Variants in SAMD13 observed in about 807,000 individuals in gnomAD.
SAMD13 encodes the protein sterile alpha motif domain-containing protein 13.
A neutral mutation model predicts 12.4 loss-of-function variants in SAMD13; 9 were observed. That is an observed-to-expected ratio of 0.72 (90% CI 0.44 to 1.26). The LOEUF is 1.26. Ranked by LOEUF, SAMD13 falls within the 50% of genes most tolerant of loss-of-function variation. The pLI is 0.00. For missense variants in SAMD13, 84 were observed against 119.6 expected, an observed-to-expected ratio of 0.70 and a Z score of 1.39; for synonymous variants, 46 against 45.4, an observed-to-expected ratio of 1.01 and a Z score of -0.05.
chr1:84,344,984 C>T (rs966143630), intron 3 of SAMD13: 8 of 456,566 alleles, frequency 1.8e-5, no homozygotes, highest in Non-Finnish European at 2.6e-5. Flanking sequence ...ATGATTTTTC[C>T]CTTGGCCTTG....
At chr1:84,310,216 A>AT (rs1389905146) in intron 2 of SAMD13, among the ~76,000 whole-genome samples, 3 of 152,136 alleles carry the variant, frequency 2.0e-5, no homozygotes, top group African/African-American at 7.2e-5. Flanking sequence ...AATATTTTAC[A>AT]TTTTTGTGCT....
chr1:84,324,240 C>G (rs377335386), intron 2 of SAMD13, among the ~76,000 whole-genome samples: 43 of 152,274 alleles, frequency 2.8e-4, no homozygotes, highest in African/African-American at 1.0e-3. Context: ...AGGTCACCCC[C>G]TTTACATAGG....
intron 2 of SAMD13, among the ~76,000 whole-genome samples, chr1:84,305,632 A>T (rs1403647004): frequency 6.6e-6 from 1 of 152,088 alleles, no homozygotes; most frequent in Non-Finnish European, 1.5e-5. Context: ...TCACAATTTT[A>T]GGTTTCAGGG....
chr1:84,309,406 G>T (rs963056292), intron 2 of SAMD13, among the ~76,000 whole-genome samples: 1 of 152,138 alleles, frequency 6.6e-6, no homozygotes, highest in Admixed American at 6.5e-5. Flanking sequence ...TTTCAAATTT[G>T]TTGACCTAAA....
intron 3 of SAMD13, among the ~76,000 whole-genome samples, chr1:84,327,911 C>T (rs564798833): frequency 1.3e-5 from 2 of 152,166 alleles, no homozygotes; most frequent in African/African-American, 2.4e-5. Flanking sequence ...AGTGGAAGGC[C>T]GCTGATCAGC....
intron 2 of SAMD13, among the ~76,000 whole-genome samples, chr1:84,311,469 C>T (rs992280798): frequency 3.3e-5 from 5 of 152,102 alleles, no homozygotes; most frequent in Admixed American, 6.5e-5. Context: ...ACTTAATCAA[C>T]GTGCATTGGC....
intron 3 of SAMD13, among the ~76,000 whole-genome samples, chr1:84,331,976 A>G (rs1353082702): frequency 6.6e-6 from 1 of 152,150 alleles, no homozygotes; most frequent in Non-Finnish European, 1.5e-5. Flanking sequence ...TTATGAGAAC[A>G]TAAGGTATTT....
chr1:84,307,364 A>G (rs1049848307), intron 2 of SAMD13, among the ~76,000 whole-genome samples: 4 of 152,184 alleles, frequency 2.6e-5, no homozygotes, highest in African/African-American at 4.8e-5. Flanking sequence ...TGTAGCTTTC[A>G]TCTCTAGCAG....
At chr1:84,326,131 C>A (rs1198460930) in intron 3 of SAMD13, among the ~76,000 whole-genome samples, 1 of 152,138 alleles carries the variant, frequency 6.6e-6, no homozygotes, top group Non-Finnish European at 1.5e-5. Flanking sequence ...TACACCACCT[C>A]CTACTACTGG....
At chr1:84,348,890 A>G (rs367675440) in intron 3 of SAMD13, among the ~76,000 whole-genome samples, 7 of 152,110 alleles carry the variant, frequency 4.6e-5, no homozygotes, top group African/African-American at 1.7e-4. Context: ...AGGGGAACTT[A>G]TCTTGGAGAG....
chr1:84,349,705 T>C lies in SAMD13; in HGVS notation c.240T>C (p.Pro80=). 1 of 1,613,978 alleles carries C rather than the reference T, an allele frequency of 6.2e-7. No homozygotes were observed. The highest frequency in any genetic ancestry group is 1.1e-5 in the South Asian group (1 of 91,064). ...VLTGLQLKLG[P]ALKIYEYHVK... is the part of the protein sequence containing the mutation. ...CAGGACTTCAGTTAAAATTGGGGCC[T>C]GCTCTGAAAATCTACGAATATCATG... Residue 80 remains proline, a synonymous_variant, in exon 4 of 4, where the codon CCT becomes CCC. Coordinates refer to ENST00000394834, the MANE Select transcript of SAMD13 (RefSeq NM_001134663.2).
chr1:84,311,630 A>G (rs931187576), intron 2 of SAMD13, among the ~76,000 whole-genome samples: 2 of 152,200 alleles, frequency 1.3e-5, no homozygotes, highest in Admixed American at 1.3e-4. Context: ...AAAACGGAAC[A>G]TAGATACCAT....
At chr1:84,324,864 T>C (rs1253986507) in intron 2 of SAMD13, among the ~76,000 whole-genome samples, 1 of 152,176 alleles carries the variant, frequency 6.6e-6, no homozygotes, top group African/African-American at 2.4e-5. Context: ...CTCAGACAAA[T>C]GCTTGATTGT....
At chr1:84,324,477 T>C (rs141747606) in intron 2 of SAMD13, among the ~76,000 whole-genome samples, 14 of 152,358 alleles carry the variant, frequency 9.2e-5, no homozygotes, top group Admixed American at 3.9e-4. Flanking sequence ...TAGTAAATGA[T>C]GCTTGTCCTT....
chr1:84,307,543 G>T (rs867701957), intron 2 of SAMD13, among the ~76,000 whole-genome samples: 1 of 151,980 alleles, frequency 6.6e-6, no homozygotes, highest in South Asian at 2.1e-4. Flanking sequence ...GAATTTTCTT[G>T]CGTGGTCATA....
chr1:84,300,421 G>T (rs1678430966), upstream of SAMD13, among the ~76,000 whole-genome samples: 1 of 152,116 alleles, frequency 6.6e-6, no homozygotes, highest in African/African-American at 2.4e-5. Flanking sequence ...TTGAAATTCA[G>T]GTTCCAAATT....
Position 84,303,276 on chromosome 1 carries a change from C to T in SAMD13, c.42C>T (p.Val14=), listed in dbSNP as rs766316087. ...TGGAAAACAAGGAAAATGGCTCTGT[C>T]GGTGTAAAAAAGTAAGTGAAGCTGG... The part of the protein sequence containing the change: ...VDMENKENGS[V]GVKNSMENGR... The change falls in exon 2 of 4, where the codon GTC becomes GTT. Residue 14 remains valine (V), a synonymous_variant. Transcript: ENST00000394834. The T allele has an allele frequency of 2.5e-6, 4 of 1,612,258 alleles. No individual in the cohort carries two copies. Among genetic ancestry groups the T allele is most frequent in the South Asian group, 2.2e-5 (2 of 91,010 alleles).
chr1:84,312,385 G>T (rs1156565191), intron 2 of SAMD13, among the ~76,000 whole-genome samples: 1 of 150,602 alleles, frequency 6.6e-6, no homozygotes, highest in Non-Finnish European at 1.5e-5. Flanking sequence ...TCTCAATTCT[G>T]CTCTTTTTAG....
At chr1:84,311,456 A>G (rs1425159257) in intron 2 of SAMD13, among the ~76,000 whole-genome samples, 2 of 152,194 alleles carry the variant, frequency 1.3e-5, no homozygotes, top group Non-Finnish European at 2.9e-5. Flanking sequence ...AATCTTTTCC[A>G]TTACTTAATC....
Sources: allele counts gnomAD v4.1 joint callset (sites outside exome capture counted in the v4.1 genomes callset), GRCh38; gene constraint gnomAD v4.1.1; transcripts MANE v1.5; gene names NCBI Gene and HGNC (gene_info 2026-07-23, HGNC 2026-07-21).